The following ETS1 variants were observed in gnomAD, a reference collection of about 807,000 sequenced individuals.
ETS1 encodes the protein protein C-ets-1.
A neutral mutation model predicts 58.6 loss-of-function variants in ETS1; 15 were observed. The observed-to-expected ratio is 0.26, with a 90% CI of 0.17 to 0.39. The LOEUF is 0.39. ETS1 is among the 10% of genes least tolerant of loss of function. The pLI is 1.00. For missense variants in ETS1, 417 were observed against 610.5 expected (o/e 0.68, Z 3.34); for synonymous variants, 214 against 218.2 (o/e 0.98, Z 0.17).
chr11:128,478,704 T>C (rs1862401510), intron 8 of ETS1, among the ~76,000 whole-genome samples: 1 of 152,210 alleles, frequency 6.6e-6, no homozygotes, highest in Admixed American at 6.5e-5. Flanking sequence ...TATATTCAAC[T>C]GCAGTCTAGT....
chr11:128,563,701 C>T (rs1321134040), intron 2 of ETS1, among the ~76,000 whole-genome samples: 3 of 152,162 alleles, frequency 2.0e-5, no homozygotes, highest in African/African-American at 4.8e-5. Context: ...TACAATGTGC[C>T]CTTGAACTGC....
intron 3 of ETS1, among the ~76,000 whole-genome samples, chr11:128,555,836 G>C (rs1159837156): frequency 1.3e-5 from 2 of 152,216 alleles, no homozygotes; most frequent in African/African-American, 4.8e-5. Context: ...AAGGGAGAGA[G>C]AGACAGAGGA....
At chr11:128,515,698 G>C (rs1332921115) in intron 3 of ETS1, among the ~76,000 whole-genome samples, 2 of 152,034 alleles carry the variant, frequency 1.3e-5, no homozygotes, top group Admixed American at 1.3e-4. Flanking sequence ...ATCCCAGTTT[G>C]GGTGGTAAAT....
intron 3 of ETS1, among the ~76,000 whole-genome samples, chr11:128,519,201 C>T (rs930597684): frequency 2.0e-5 from 3 of 152,188 alleles, no homozygotes; most frequent in African/African-American, 4.8e-5. Flanking sequence ...TAGCACTTAA[C>T]GCTGTCAAAC....
intron 3 of ETS1, among the ~76,000 whole-genome samples, chr11:128,494,315 T>C (rs923870839): frequency 3.3e-5 from 5 of 152,234 alleles, no homozygotes; most frequent in Non-Finnish European, 7.3e-5. Flanking sequence ...GATTATTCCT[T>C]GGGACCCCAA....
At chr11:128,504,738 AC>A in intron 3 of ETS1, among the ~76,000 whole-genome samples, 1 of 152,128 alleles carries the variant, frequency 6.6e-6, no homozygotes, top group Non-Finnish European at 1.5e-5. Flanking sequence ...ACAACAGTGG[AC>A]TGGGAGGGAG....
At chr11:128,555,781 C>T (rs1864302316) in intron 3 of ETS1, among the ~76,000 whole-genome samples, 1 of 152,062 alleles carries the variant, frequency 6.6e-6, no homozygotes, top group Non-Finnish European at 1.5e-5. Context: ...GAGGAGACTC[C>T]CACTCACCAG....
chr11:128,558,298 G>A (rs1349982378), intron 2 of ETS1, among the ~76,000 whole-genome samples: 1 of 152,102 alleles, frequency 6.6e-6, no homozygotes, highest in African/African-American at 2.4e-5. Flanking sequence ...ATGTGTGTGG[G>A]GCCAAGAGAC....
At chr11:128,499,946 A>G (rs2135479209) in intron 3 of ETS1, among the ~76,000 whole-genome samples, 1 of 152,352 alleles carries the variant, frequency 6.6e-6, no homozygotes, top group Non-Finnish European at 1.5e-5. Flanking sequence ...TGGAAGAGGT[A>G]AAGTTTTTCT....
intron 1 of ETS1, among the ~76,000 whole-genome samples, chr11:128,576,494 G>C (rs891691409): frequency 2.0e-5 from 3 of 152,092 alleles, no homozygotes; most frequent in African/African-American, 7.2e-5. Context: ...GGCATCTGAA[G>C]ATTTACTCCC....
At chr11:128,489,652 T>C (rs536387339) in intron 4 of ETS1, among the ~76,000 whole-genome samples, 162 bp from the exon 5 acceptor site, 17 of 152,298 alleles carry the variant, frequency 1.1e-4, no homozygotes, top group Admixed American at 3.9e-4. Flanking sequence ...GTGCCTTCCA[T>C]AACCCTCCCC....
At chr11:128,548,563 G>A (rs950122780) in intron 3 of ETS1, among the ~76,000 whole-genome samples, 4 of 152,144 alleles carry the variant, frequency 2.6e-5, no homozygotes, top group Non-Finnish European at 5.9e-5. Flanking sequence ...CAACCTATCT[G>A]GAACTCCCTG....
intron 1 of ETS1, among the ~76,000 whole-genome samples, chr11:128,574,480 T>C (rs1298900648): frequency 6.6e-6 from 1 of 152,182 alleles, no homozygotes; most frequent in Non-Finnish European, 1.5e-5. Context: ...GAGCTCCTCA[T>C]TGGTGAAGAT....
intron 3 of ETS1, among the ~76,000 whole-genome samples, chr11:128,506,417 C>G (rs1863234951): frequency 6.6e-6 from 1 of 152,184 alleles, no homozygotes; most frequent in South Asian, 2.1e-4. Context: ...GAAGCAAACA[C>G]CGCCTAAGTA....
chr11:128,570,858 C>T (rs900306637), intron 2 of ETS1, among the ~76,000 whole-genome samples: 3 of 152,190 alleles, frequency 2.0e-5, no homozygotes, highest in Admixed American at 6.5e-5. Context: ...ACTAAGCAAA[C>T]TCGAGTGACT....
Position 128,460,089 on chromosome 11 carries a change from C to CAAACACACACACACACACACAA in ETS1, c.*2271_*2272insTTGTGTGTGTGTGTGTGTGTTT, listed in dbSNP as rs771600375. On this transcript the variant is annotated 3_prime_UTR_variant, in exon 10 of 10. Coordinates refer to ENST00000392668, the MANE Select transcript of ETS1 (RefSeq NM_001143820.2). ...GTCTGCAAACACACACACACACACA[C>CAAACACACACACACACACACAA]ACACACACACACACACACACACACA... The CAAACACACACACACACACACAA allele has an allele frequency of 6.7e-6, 1 of 148,534 alleles. No homozygotes were observed. The highest frequency in any genetic ancestry group is 1.5e-5 in the Non-Finnish European group (1 of 66,284). The allele number at this position is 148,534 out of a possible 1,614,324, so 9.2% of individuals were successfully genotyped here.
Position 128,480,463 on chromosome 11 carries a change from G to T in ETS1, c.863-12C>A. The T allele has an allele frequency of 6.2e-7, 1 of 1,602,758 alleles. No homozygotes were observed. ...GCCCCCGAGTTTACCTGGAGGTAAA[G>T]GAGGAGGTAGGAAGAGGACAGGGGG... On this transcript the variant is annotated splice_polypyrimidine_tract_variant and intron_variant, in intron 7 of 9. Transcript: ENST00000392668.
At chr11:128,544,546 C>G (rs943460866) in intron 3 of ETS1, among the ~76,000 whole-genome samples, 1 of 151,794 alleles carries the variant, frequency 6.6e-6, no homozygotes, top group Non-Finnish European at 1.5e-5. Context: ...TTCCAAGGCT[C>G]TCCCTCTCCC....
At chr11:128,559,130 G>A (rs572621883) in intron 2 of ETS1, among the ~76,000 whole-genome samples, 142 of 152,312 alleles carry the variant, frequency 9.3e-4, no homozygotes, top group Middle Eastern at 6.8e-3. Flanking sequence ...AGGTAGACAG[G>A]TAGTTTGTTA....
Sources: allele counts gnomAD v4.1 joint callset (sites outside exome capture counted in the v4.1 genomes callset), GRCh38; gene constraint gnomAD v4.1.1; transcripts MANE v1.5; gene names NCBI Gene and HGNC (gene_info 2026-07-23, HGNC 2026-07-21).